Variants in GPR137C observed in about 807,000 individuals in gnomAD.
GPR137C encodes the protein G protein-coupled receptor 137C, also known as integral membrane protein GPR137C.
A neutral mutation model predicts 43.4 loss-of-function variants in GPR137C; 27 were observed. The observed-to-expected ratio is 0.62, with a 90% CI of 0.46 to 0.86. The LOEUF is 0.86. Among genes scored for constraint, GPR137C ranks in the 40% least tolerant of loss-of-function variants. The pLI, the probability that GPR137C is intolerant of heterozygous loss-of-function variation, is 0.00. For synonymous variants in GPR137C, 285 were observed against 226.9 expected, an observed-to-expected ratio of 1.26 and a Z score of -2.30; for missense variants, 522 against 534.6, an observed-to-expected ratio of 0.98 and a Z score of 0.23.
chr14:52,615,595 A>G (rs2039090046), intron 3 of GPR137C, among the ~76,000 whole-genome samples: 1 of 152,126 alleles, frequency 6.6e-6, no homozygotes, highest in South Asian at 2.1e-4. Flanking sequence ...ATCCATGAAC[A>G]TGAAATATCT....
chr14:52,622,525 T>G (rs546686907), intron 3 of GPR137C, among the ~76,000 whole-genome samples: 26 of 152,058 alleles, frequency 1.7e-4, no homozygotes, highest in Non-Finnish European at 3.5e-4. Context: ...AAGCTTACAT[T>G]TTATCATTGG....
chr14:52,574,529 C>T (rs951098623), intron 1 of GPR137C, among the ~76,000 whole-genome samples: 2 of 152,062 alleles, frequency 1.3e-5, no homozygotes, highest in Non-Finnish European at 2.9e-5. Flanking sequence ...CACATGGATA[C>T]AGGGCGGGGA....
chr14:52,626,351 G>A (rs368918602), intron 3 of GPR137C, among the ~76,000 whole-genome samples: 3 of 151,920 alleles, frequency 2.0e-5, no homozygotes, highest in East Asian at 3.9e-4. Flanking sequence ...GGAATGCAGC[G>A]AGAATCAGTG....
rs2042973414 is a variant in GPR137C at position 52,552,926 on chromosome 14, G to A, written c.-222G>A. Among the ~76,000 whole-genome samples, 1 of 151,996 alleles carries A rather than the reference G, an allele frequency of 6.6e-6. No individual in the cohort carries two copies. Among genetic ancestry groups the A allele is most frequent in the African/African-American group, 2.4e-5 (1 of 41,496 alleles). On this transcript the variant is annotated 5_prime_UTR_variant, in exon 1 of 7. Transcript: ENST00000321662. The stretch of plus-strand genomic sequence containing the variant: ...TTTGCAGCTACGGAGCCGAGCCGCA[G>A]CAGGAGGAGCCGAGACCCCCGGGGG...
chr14:52,561,332 G>A (rs1470195117), intron 1 of GPR137C, among the ~76,000 whole-genome samples: 1 of 152,196 alleles, frequency 6.6e-6, no homozygotes, highest in Non-Finnish European at 1.5e-5. Flanking sequence ...CAGAAGCCAG[G>A]CGTGGTGGCA....
chr14:52,630,708 C>T (rs1318859364), intron 3 of GPR137C, among the ~76,000 whole-genome samples: 2 of 151,810 alleles, frequency 1.3e-5, no homozygotes, highest in African/African-American at 4.8e-5. Context: ...CGCAAGAGCC[C>T]CGCAAGACCC....
chr14:52,553,630 G>A (rs750385768), intron 1 of GPR137C, 39 bp downstream of exon 1: 6 of 1,461,702 alleles, frequency 4.1e-6, no homozygotes. Flanking sequence ...CCGGGCGGGT[G>A]CGCGGGGCCG....
chr14:52,576,062 C>G (rs2038546362), intron 1 of GPR137C, among the ~76,000 whole-genome samples: 1 of 152,214 alleles, frequency 6.6e-6, no homozygotes, highest in African/African-American at 2.4e-5. Context: ...AGAAGTCAAA[C>G]TGATACTATG....
intron 1 of GPR137C, among the ~76,000 whole-genome samples, chr14:52,564,353 G>A (rs1180745187): frequency 2.0e-5 from 3 of 149,534 alleles, no homozygotes; most frequent in African/African-American, 2.5e-5. Context: ...AGAGTTCTAT[G>A]TATACTACAA....
chr14:52,601,487 T>C (rs1210410870), intron 3 of GPR137C, among the ~76,000 whole-genome samples: 8 of 150,520 alleles, frequency 5.3e-5, no homozygotes, highest in Non-Finnish European at 1.0e-4. Flanking sequence ...TATGTGTGTG[T>C]GTGTGTGTGT....
chr14:52,564,986 G>A (rs2038344799), intron 1 of GPR137C, among the ~76,000 whole-genome samples: 2 of 152,060 alleles, frequency 1.3e-5, no homozygotes. Flanking sequence ...ATGCCTAGAG[G>A]GACCTGAATG....
At chr14:52,610,079 C>T (rs2039022633) in intron 3 of GPR137C, among the ~76,000 whole-genome samples, 1 of 152,214 alleles carries the variant, frequency 6.6e-6, no homozygotes, top group Admixed American at 6.5e-5. Context: ...GGCTTCTTTG[C>T]ATTCAGGCCT....
At position 52,553,076 on chromosome 14, in the gene GPR137C, C is replaced by A. The variant is rs1455244055; in HGVS notation, c.-72C>A. 7.4e-6 allele frequency: 6 copies of A among 812,428 alleles called. No individual in the cohort carries two copies. Among genetic ancestry groups the A allele is most frequent in the Non-Finnish European group, 7.8e-6 (5 of 640,734 alleles). 50.3% of individuals were successfully genotyped at this position (812,428 alleles called of 1,614,324 possible). On this transcript the variant is annotated 5_prime_UTR_variant, in exon 1 of 7. Coordinates refer to ENST00000321662, the MANE Select transcript of GPR137C (RefSeq NM_001099652.2). ...GGTGGGGGGTAAGGGGGCAGTCCTT[C>A]TCCCCTTCGACGGCGGCTCCGAGTC...
At position 52,560,426 on chromosome 14, in the gene GPR137C, G is replaced by A. The variant is rs374787291; in HGVS notation, c.444+6835G>A. ...TTGCCAAGATGGTTTTAAAATATGCGTGGACATACGAGGGACTTAGTGTAG... is the reference window on the plus strand; with the variant it reads ...TTGCCAAGATGGTTTTAAAATATGCATGGACATACGAGGGACTTAGTGTAG... On this transcript the variant is annotated intron_variant, in intron 1 of 6. Coordinates refer to ENST00000321662, the MANE Select transcript of GPR137C (RefSeq NM_001099652.2). Among the ~76,000 whole-genome samples, 52 of 152,234 alleles carry A rather than the reference G, an allele frequency of 3.4e-4. No individual in the cohort carries two copies. The South Asian group carries it at 9.5e-3, about 28-fold the overall frequency.
chr14:52,624,673 G>A (rs959023429), intron 3 of GPR137C, among the ~76,000 whole-genome samples: 6 of 148,934 alleles, frequency 4.0e-5, no homozygotes, highest in Admixed American at 2.0e-4. Flanking sequence ...GCAGTGAGCC[G>A]AGATCATGCC....
chr14:52,567,176 C>T (rs1276306298), intron 1 of GPR137C, among the ~76,000 whole-genome samples: 1 of 152,068 alleles, frequency 6.6e-6, no homozygotes, highest in Non-Finnish European at 1.5e-5. Context: ...GCACTGGAGT[C>T]CCATTCCTTG....
At chr14:52,568,303 A>C (rs915525590) in intron 1 of GPR137C, among the ~76,000 whole-genome samples, 1 of 152,156 alleles carries the variant, frequency 6.6e-6, no homozygotes, top group Admixed American at 6.5e-5. Flanking sequence ...CGGTCTTCCC[A>C]ACCTGCAAAC....
At chr14:52,577,516 G>GCGCACACACACACACACACACACACA (rs369713179) in intron 1 of GPR137C, among the ~76,000 whole-genome samples, 4 of 145,408 alleles carry the variant, frequency 2.8e-5, no homozygotes, top group Non-Finnish European at 4.5e-5. Flanking sequence ...GCGCGCGCGC[G>GCGCACACACACACACACACACACACA]CACACACACA....
At chr14:52,590,583 G>A (rs957665398) in intron 1 of GPR137C, among the ~76,000 whole-genome samples, 1 of 152,028 alleles carries the variant, frequency 6.6e-6, no homozygotes, top group African/African-American at 2.4e-5. Flanking sequence ...CTATACAAGT[G>A]CACCATTTTT....
Sources: allele counts gnomAD v4.1 joint callset (sites outside exome capture counted in the v4.1 genomes callset), GRCh38; gene constraint gnomAD v4.1.1; transcripts MANE v1.5; gene names NCBI Gene and HGNC (gene_info 2026-07-23, HGNC 2026-07-21).